ZCWPW1: variants seen among roughly 807,000 people sequenced by gnomAD.
The protein encoded by ZCWPW1 is zinc finger CW-type and PWWP domain containing 1.
A neutral mutation model predicts 81.3 loss-of-function variants in ZCWPW1; 56 were observed. The ratio of observed to expected loss-of-function variants is 0.69; its 90% CI spans 0.56 to 0.86. ZCWPW1 has a LOEUF of 0.86. ZCWPW1 is among the 40% of genes least tolerant of loss of function. The pLI, the probability that ZCWPW1 is intolerant of heterozygous loss-of-function variation, is 0.00. For missense variants in ZCWPW1, 650 were observed against 769.8 expected, an observed-to-expected ratio of 0.84 and a Z score of 1.84; for synonymous variants, 250 against 273.7, an observed-to-expected ratio of 0.91 and a Z score of 0.86.
chr7:100,408,595 G>A lies in ZCWPW1; in HGVS notation c.936C>T (p.Ala312=), dbSNP rs750233874. 2 of 1,614,084 alleles carry A rather than the reference G, an allele frequency of 1.2e-6. No homozygotes were observed. The highest frequency in any genetic ancestry group is 2.2e-5 in the South Asian group (2 of 91,082). Residue 312 remains alanine, a synonymous_variant, in exon 10 of 18, where the codon GCC becomes GCT. Coordinates refer to ENST00000684423, the MANE Select transcript of ZCWPW1 (RefSeq NM_001386010.1). ...ETWTGLESDV[A]YASYIPGSII... The stretch of plus-strand genomic sequence containing the variant: ...TGGATCCTGGGATGTAGGAGGCATA[G>A]GCCACATCACTCTCAAGCCCTGTCC...
intron 5 of ZCWPW1, chr7:100,417,387 T>C (rs1398507495): frequency 6.1e-6 from 3 of 495,016 alleles, no homozygotes; most frequent in Non-Finnish European, 1.1e-5. Context: ...ATCTGCCTCA[T>C]TCCAGGATGG....
chr7:100,402,586 G>C lies in ZCWPW1; in HGVS notation c.1414-10C>G, dbSNP rs557010310. ...TGGGCAAAATTGGGTCCTGAGGATGGGAGAGAAAGTTTAAAAAAATGATAA... is the reference window on the plus strand; with the variant it reads ...TGGGCAAAATTGGGTCCTGAGGATGCGAGAGAAAGTTTAAAAAAATGATAA... On this transcript the variant is annotated splice_polypyrimidine_tract_variant and intron_variant, in intron 15 of 17. Coordinates refer to ENST00000684423, the MANE Select transcript of ZCWPW1 (RefSeq NM_001386010.1). The C allele has an allele frequency of 1.2e-6, 2 of 1,613,826 alleles. No homozygotes were observed. The highest frequency in any genetic ancestry group is 2.2e-5 in the South Asian group (2 of 91,062).
chr7:100,402,423 T>C (rs1447423678), intron 16 of ZCWPW1, 93 bp downstream of exon 16: 2 of 1,359,776 alleles, frequency 1.5e-6, no homozygotes, highest in Admixed American at 1.7e-5. Flanking sequence ...GGCACTGAGA[T>C]GGGCAGTGAG....
In ZCWPW1 at chr7:100,425,874, A is replaced by C. The variant is rs371783547; in HGVS notation, c.-136-738T>G. The stretch of plus-strand genomic sequence containing the variant: ...TAAATGTTTCTGAATTTTAATTTCT[A>C]AAATGTTAGTATCAACAGATACAAA... On this transcript the variant is annotated intron_variant, in intron 1 of 17. Coordinates refer to ENST00000684423, the MANE Select transcript of ZCWPW1 (RefSeq NM_001386010.1). Among the ~76,000 whole-genome samples, 3 of 152,362 alleles carry C rather than the reference A, an allele frequency of 2.0e-5. No individual in the cohort carries two copies. The East Asian group carries it at 5.8e-4, about 29-fold the overall frequency.
At chr7:100,410,565 C>T (rs1279296736) in intron 8 of ZCWPW1, among the ~76,000 whole-genome samples, 5 of 152,180 alleles carry the variant, frequency 3.3e-5, no homozygotes, top group Non-Finnish European at 7.3e-5. Context: ...CTTCTCTCCA[C>T]CTCCTGCCTT....
At chr7:100,424,244 T>A (rs1796904661) in intron 2 of ZCWPW1, among the ~76,000 whole-genome samples, 1 of 152,120 alleles carries the variant, frequency 6.6e-6, no homozygotes, top group Admixed American at 6.5e-5. Flanking sequence ...TGAAAATTAG[T>A]GTGTTTCAGA....
chr7:100,410,795 A>G (rs1470406458), intron 8 of ZCWPW1, among the ~76,000 whole-genome samples: 2 of 152,154 alleles, frequency 1.3e-5, no homozygotes, highest in Non-Finnish European at 2.9e-5. Flanking sequence ...AGACTCCTAT[A>G]GCAACTTTCA....
intron 14 of ZCWPW1, 71 bp from the exon 15 acceptor site, chr7:100,403,856 C>T: frequency 7.0e-7 from 1 of 1,436,202 alleles, no homozygotes; most frequent in Non-Finnish European, 9.7e-7. Flanking sequence ...AAGCTGATCA[C>T]AAAGAATCTG....
At chr7:100,428,377 T>TCC (rs1448109290) in intron 1 of ZCWPW1, among the ~76,000 whole-genome samples, 191 bp downstream of exon 1, 1 of 152,244 alleles carries the variant, frequency 6.6e-6, no homozygotes, top group Non-Finnish European at 1.5e-5. Flanking sequence ...TCCGCCATCT[T>TCC]CCACCCGAAC....
chr7:100,426,872 C>T (rs2130921107), intron 1 of ZCWPW1, among the ~76,000 whole-genome samples: 1 of 67,170 alleles, frequency 1.5e-5, no homozygotes, highest in African/African-American at 6.5e-5. Flanking sequence ...CCCCCCTCCC[C>T]CTCCTCCCTT....
intron 11 of ZCWPW1, among the ~76,000 whole-genome samples, 199 bp from the exon 12 acceptor site, chr7:100,406,997 G>C (rs1290799467): frequency 6.6e-6 from 1 of 152,094 alleles, no homozygotes; most frequent in Non-Finnish European, 1.5e-5. Context: ...TAGCCAAAGC[G>C]TATTTATCAA....
At chr7:100,417,467 T>A in intron 5 of ZCWPW1, 1 of 291,874 alleles carries the variant, frequency 3.4e-6, no homozygotes, top group Non-Finnish European at 6.4e-6. Flanking sequence ...CCTGTAATCC[T>A]AACACTTTGG....
intron 11 of ZCWPW1, among the ~76,000 whole-genome samples, 154 bp downstream of exon 11, chr7:100,407,074 G>A (rs1793166721): frequency 6.6e-6 from 1 of 152,172 alleles, no homozygotes; most frequent in Non-Finnish European, 1.5e-5. Context: ...TTATATGTGT[G>A]AGCACTTATC....
At chr7:100,426,406 C>G (rs1797339745) in intron 1 of ZCWPW1, among the ~76,000 whole-genome samples, 1 of 150,232 alleles carries the variant, frequency 6.7e-6, no homozygotes, top group Non-Finnish European at 1.5e-5. Flanking sequence ...GCAGGAGAAT[C>G]ACTTGAACCC....
intron 3 of ZCWPW1, 38 bp downstream of exon 3, chr7:100,420,584 G>T: frequency 6.2e-7 from 1 of 1,613,530 alleles, no homozygotes; most frequent in Non-Finnish European, 8.5e-7. Flanking sequence ...AAAAATGAGA[G>T]AAATGTATGA....
chr7:100,427,436 G>A (rs940002298), intron 1 of ZCWPW1, among the ~76,000 whole-genome samples: 1 of 151,132 alleles, frequency 6.6e-6, no homozygotes. Context: ...ACGGTGGCGC[G>A]TGCCTGTAAT....
chr7:100,416,518 TG>T, intron 6 of ZCWPW1, 62 bp from the exon 7 acceptor site: 2 of 1,567,372 alleles, frequency 1.3e-6, no homozygotes, highest in Non-Finnish European at 1.7e-6. Flanking sequence ...ACTCTTCTTC[TG>T]AAAAAACCCG....
chr7:100,401,756 G>A (rs1415439562), intron 17 of ZCWPW1, 133 bp downstream of exon 17: 41 of 1,224,426 alleles, frequency 3.3e-5, no homozygotes, highest in African/African-American at 3.0e-5. Flanking sequence ...AGTCCGAGAC[G>A]CTCTTTCATT....
intron 2 of ZCWPW1, 27 bp from the exon 3 acceptor site, chr7:100,420,705 A>T: frequency 3.1e-6 from 5 of 1,600,552 alleles, no homozygotes; most frequent in Admixed American, 3.3e-5. Flanking sequence ...ATTAACTGCT[A>T]TGACTCTGAT....
Sources: allele counts gnomAD v4.1 joint callset (sites outside exome capture counted in the v4.1 genomes callset), GRCh38; gene constraint gnomAD v4.1.1; transcripts MANE v1.5; gene names NCBI Gene and HGNC (gene_info 2026-07-23, HGNC 2026-07-21).